The following PPARGC1A variants were observed in gnomAD, a reference collection of about 807,000 sequenced individuals.
PPARGC1A encodes the protein peroxisome proliferator-activated receptor gamma coactivator 1-alpha.
A neutral mutation model predicts 88.7 loss-of-function variants in PPARGC1A; 25 were observed. That is an observed-to-expected ratio of 0.28 (90% CI 0.21 to 0.39). PPARGC1A has a LOEUF of 0.39. Ranked by LOEUF, PPARGC1A falls within the 10% of genes least tolerant of loss-of-function variation. The pLI is 1.00. For synonymous variants in PPARGC1A, 363 were observed against 355.6 expected (o/e 1.02, Z -0.24); for missense variants, 880 against 968.7 (o/e 0.91, Z 1.22).
chr4:24,233,201 T>C, the PPARGC1A span, among the ~76,000 whole-genome samples: 1 of 152,190 alleles, frequency 6.6e-6, no homozygotes, highest in African/African-American at 2.4e-5. Context: ...ATTTGAGAAT[T>C]TCCTCCACAA....
chr4:23,869,822 T>C lies in PPARGC1A; in HGVS notation c.234+14930A>G, dbSNP rs771596577. Reference sequence around the variant, plus strand: ...TACGGAAAGCCATGAAGGAGAAAAGTATAGGCGATTTCATTCTAAAGTAAT... The same window carrying C: ...TACGGAAAGCCATGAAGGAGAAAAGCATAGGCGATTTCATTCTAAAGTAAT... On this transcript the variant is annotated intron_variant, in intron 2 of 12. Transcript: ENST00000264867. 1.9e-3 allele frequency among the ~76,000 whole-genome samples: 294 copies of C among 152,242 alleles called. 1 individual carries two copies. Among genetic ancestry groups the C allele is most frequent in the Admixed American group, 2.4e-3 (37 of 15,286 alleles).
rs776674773 is a variant in PPARGC1A, at chr4:23,824,343, C to T, written c.814G>A (p.Gly272Ser). 1.2e-6 allele frequency: 2 copies of T among 1,613,192 alleles called. No individual in the cohort carries two copies. The highest frequency in any genetic ancestry group is 3.3e-5 in the Admixed American group (2 of 59,918). Residue 272 changes from glycine (G) to serine (S), a missense_variant, in exon 7 of 13, where the codon GGT (glycine) becomes AGT (serine). By Grantham distance (56) the Gly-to-Ser change is moderately conservative. Coordinates refer to ENST00000264867, the MANE Select transcript of PPARGC1A (RefSeq NM_013261.5). The stretch of plus-strand genomic sequence containing the variant: ...ATAGTCTTGTTCTCAAATGGGGAAC[C>T]CTTGGGGTCACTGGAAGATATGGCA... ...LTPESPNDPK[G>S]SPFENKTIER...
the PPARGC1A span, among the ~76,000 whole-genome samples, chr4:24,065,731 T>C: frequency 6.6e-6 from 1 of 152,136 alleles, no homozygotes; most frequent in Non-Finnish European, 1.5e-5. Context: ...CTGTGAAGTC[T>C]GAGAAGATTT....
At chr4:23,802,086 G>A in intron 11 of PPARGC1A, 138 bp downstream of exon 11, 2 of 1,347,128 alleles carry the variant, frequency 1.5e-6, no homozygotes, top group Non-Finnish European at 2.0e-6. Context: ...AGGGATGAAA[G>A]AAAATAAATA....
chr4:24,241,986 T>A, the PPARGC1A span, among the ~76,000 whole-genome samples: 2 of 152,198 alleles, frequency 1.3e-5, no homozygotes, highest in Non-Finnish European at 2.9e-5. Flanking sequence ...TTTCTCCAGC[T>A]ATTAGGGAGG....
chr4:23,988,589 C>G, the PPARGC1A span, among the ~76,000 whole-genome samples: 2 of 151,838 alleles, frequency 1.3e-5, no homozygotes, highest in Admixed American at 1.3e-4. Flanking sequence ...TTTCAGTGTA[C>G]TGAAGATTAA....
At chr4:24,211,547 T>C in the PPARGC1A span, among the ~76,000 whole-genome samples, 1 of 152,170 alleles carries the variant, frequency 6.6e-6, no homozygotes, top group African/African-American at 2.4e-5. Flanking sequence ...GCATGGCTAG[T>C]ATATCTAAGA....
the PPARGC1A span, among the ~76,000 whole-genome samples, chr4:24,412,263 A>G: frequency 1.3e-5 from 2 of 152,188 alleles, no homozygotes; most frequent in East Asian, 3.9e-4. Flanking sequence ...TCTAACTGCA[A>G]TCAGTATGCT....
chr4:23,959,059 T>C, the PPARGC1A span, among the ~76,000 whole-genome samples: 1 of 149,920 alleles, frequency 6.7e-6, no homozygotes, highest in African/African-American at 2.4e-5. Flanking sequence ...CTTCATCACA[T>C]GGAAAAACTG....
At chr4:23,864,787 G>A (rs779038436) in intron 2 of PPARGC1A, among the ~76,000 whole-genome samples, 19 of 152,200 alleles carry the variant, frequency 1.2e-4, no homozygotes, top group Non-Finnish European at 2.2e-4. Context: ...TTAACAGCCC[G>A]TCTTAAAGGG....
chr4:24,259,091 C>T, the PPARGC1A span, among the ~76,000 whole-genome samples: 1 of 152,114 alleles, frequency 6.6e-6, no homozygotes, highest in Admixed American at 6.6e-5. Context: ...ACACCAATCC[C>T]AGAAAGATGG....
chr4:24,002,378 G>A, the PPARGC1A span, among the ~76,000 whole-genome samples: 1 of 151,980 alleles, frequency 6.6e-6, no homozygotes, highest in Non-Finnish European at 1.5e-5. Context: ...TGCCCGCCTT[G>A]GCCTCTCAAA....
upstream of PPARGC1A, chr4:23,904,066 A>G: frequency 1.0e-6 from 1 of 982,240 alleles, no homozygotes; most frequent in Non-Finnish European, 1.2e-6. Context: ...AAATACTGGT[A>G]TCATGAGATG....
chr4:23,945,996 C>T, the PPARGC1A span, among the ~76,000 whole-genome samples: 21 of 152,158 alleles, frequency 1.4e-4, no homozygotes, highest in Admixed American at 5.2e-4. Flanking sequence ...GGACACAAAG[C>T]GACAGGCCGG....
the PPARGC1A span, among the ~76,000 whole-genome samples, chr4:24,177,492 G>A: frequency 6.6e-6 from 1 of 151,898 alleles, no homozygotes; most frequent in East Asian, 1.9e-4. Context: ...GGGAGGGATA[G>A]CATTAGGAGA....
the PPARGC1A span, among the ~76,000 whole-genome samples, chr4:24,151,693 C>T: frequency 6.6e-6 from 1 of 152,124 alleles, no homozygotes; most frequent in Non-Finnish European, 1.5e-5. Flanking sequence ...TAACCCTATC[C>T]TACAGATGGG....
the PPARGC1A span, among the ~76,000 whole-genome samples, chr4:24,419,698 G>T: frequency 6.6e-6 from 1 of 152,050 alleles, no homozygotes; most frequent in Non-Finnish European, 1.5e-5. Flanking sequence ...ATTCTTTCCA[G>T]AGAGGAACAG....
chr4:24,275,077 T>C, the PPARGC1A span, among the ~76,000 whole-genome samples: 1 of 152,362 alleles, frequency 6.6e-6, no homozygotes, highest in South Asian at 2.1e-4. Context: ...TTCTTAGCCC[T>C]CACACGGGAA....
At chr4:23,939,040 G>A in the PPARGC1A span, among the ~76,000 whole-genome samples, 3 of 152,056 alleles carry the variant, frequency 2.0e-5, no homozygotes, top group Non-Finnish European at 4.4e-5. Flanking sequence ...GCCCAGCCTG[G>A]GCAGCTTACC....
Sources: allele counts gnomAD v4.1 joint callset (sites outside exome capture counted in the v4.1 genomes callset), GRCh38; gene constraint gnomAD v4.1.1; transcripts MANE v1.5; gene names NCBI Gene and HGNC (gene_info 2026-07-23, HGNC 2026-07-21).